The following ZNF236 variants were observed in gnomAD, a reference collection of about 807,000 sequenced individuals.
The protein encoded by ZNF236 is zinc finger protein 236.
A neutral mutation model predicts 191.2 loss-of-function variants in ZNF236; 50 were observed. The observed-to-expected ratio is 0.26, with a 90% CI of 0.21 to 0.33. The LOEUF (loss-of-function observed/expected upper bound fraction) is 0.33. Among genes scored for constraint, ZNF236 ranks in the 10% least tolerant of loss-of-function variants. The probability of loss-of-function intolerance (pLI) is 1.00; values close to 1 mark genes in which losing one functional copy is unlikely to be tolerated. For synonymous variants in ZNF236, 907 were observed against 928.8 expected, an observed-to-expected ratio of 0.98 and a Z score of 0.43; for missense variants, 1,754 against 2,374.5, an observed-to-expected ratio of 0.74 and a Z score of 5.43.
chr18:76,967,840 G>A lies in ZNF236; in HGVS notation c.5420-375G>A, dbSNP rs570368005. Among the ~76,000 whole-genome samples the A allele has an allele frequency of 2.6e-4, 40 of 152,256 alleles. 1 individual carries two copies. The highest frequency in any genetic ancestry group is 9.4e-4 in the African/African-American group (39 of 41,540). On this transcript the variant is annotated intron_variant, in intron 30 of 30. Transcript: ENST00000320610. ...AGGGCAGAACACTATATTGTGGGGA[G>A]TTTTTGAGGAAGGAAAAAGGGGTAA...
At chr18:76,924,231 C>T (rs950350611) in intron 21 of ZNF236, among the ~76,000 whole-genome samples, 1 of 152,176 alleles carries the variant, frequency 6.6e-6, no homozygotes, top group African/African-American at 2.4e-5. Flanking sequence ...CATCACTTAT[C>T]TTTGTGCCCC....
chr18:76,849,802 T>A lies in ZNF236; in HGVS notation c.198+134T>A, dbSNP rs1599329068. 4.5e-6 allele frequency: 4 copies of A among 881,768 alleles called. No homozygotes were observed. The East Asian group carries it at 9.6e-5, about 21-fold the overall frequency. The allele number at this position is 881,768 out of a possible 1,614,324, so 54.6% of individuals were successfully genotyped here. On this transcript the variant is annotated intron_variant, in intron 2 of 30. Transcript: ENST00000320610. ...ACATTTTATATTCTACAAATAAATATTTTGGCCTTTTTAAAAGTTGTAGTT... is the reference window on the plus strand; with the variant it reads ...ACATTTTATATTCTACAAATAAATAATTTGGCCTTTTTAAAAGTTGTAGTT...
chr18:76,824,206 A>G, intron 1 of ZNF236: 1 of 690,432 alleles, frequency 1.4e-6, no homozygotes. Flanking sequence ...TTAGGAAGAA[A>G]GAGGTAATGG....
rs183352866 is a variant in ZNF236, at chr18:76,918,616, C to T, written c.3275-1160C>T. Among the ~76,000 whole-genome samples the T allele has an allele frequency of 3.5e-4, 54 of 152,242 alleles. 2 individuals carry two copies. The highest frequency in any genetic ancestry group is 3.3e-3 in the East Asian group (17 of 5,178). ...TTAAAAAAATTTTTTTTTGTAGAGA[C>T]GGGGTCTTGCTCTGTTGCCTAGGAG... On this transcript the variant is annotated intron_variant, in intron 19 of 30. Coordinates refer to ENST00000320610, the MANE Select transcript of ZNF236 (RefSeq NM_001306089.2).
chr18:76,936,681 G>C (rs958467255), intron 25 of ZNF236, among the ~76,000 whole-genome samples: 1 of 152,248 alleles, frequency 6.6e-6, no homozygotes, highest in Non-Finnish European at 1.5e-5. Context: ...TCAGGAGCTA[G>C]TTATTCCTCA....
Position 76,871,702 on chromosome 18 carries a change from G to A in ZNF236, c.544G>A (p.Val182Ile). The change falls in exon 5 of 31, where the codon GTA (valine) becomes ATA (isoleucine). Residue 182 changes from valine (V) to isoleucine (I), a missense_variant and splice_region_variant. Transcript: ENST00000320610. ...EHMKTHYKIR[V>I]SSTRSYNRNI... Reference sequence around the variant, plus strand: ...TTTTGCCCCCCTTTATTACACTAGGGTATCAAGTACAAGGTCTTATAACCG... The same window carrying A: ...TTTTGCCCCCCTTTATTACACTAGGATATCAAGTACAAGGTCTTATAACCG... 1 of 1,614,074 alleles carries A rather than the reference G, an allele frequency of 6.2e-7. No homozygotes were observed. The highest frequency in any genetic ancestry group is 2.2e-5 in the East Asian group (1 of 44,884).
intron 25 of ZNF236, among the ~76,000 whole-genome samples, chr18:76,933,206 C>A (rs1437049373): frequency 6.6e-6 from 1 of 152,198 alleles, no homozygotes. Flanking sequence ...TGGTGGGTCA[C>A]GCCTGTAATC....
At chr18:76,929,877 A>G (rs1333296395) in intron 25 of ZNF236, among the ~76,000 whole-genome samples, 1 of 152,238 alleles carries the variant, frequency 6.6e-6, no homozygotes. Flanking sequence ...CCATTAACAC[A>G]TAGGATTATA....
chr18:76,957,358 G>T (rs1240960291), intron 28 of ZNF236, among the ~76,000 whole-genome samples: 1 of 152,160 alleles, frequency 6.6e-6, no homozygotes, highest in East Asian at 1.9e-4. Context: ...AGCAGTGACG[G>T]CCCTGTCCGG....
chr18:76,894,535 A>G (rs974430426), intron 9 of ZNF236, among the ~76,000 whole-genome samples: 1 of 152,238 alleles, frequency 6.6e-6, no homozygotes, highest in African/African-American at 2.4e-5. Flanking sequence ...ATGAATTGAT[A>G]TATACTATTT....
intron 3 of ZNF236, among the ~76,000 whole-genome samples, chr18:76,862,500 C>T (rs1976271006): frequency 6.6e-6 from 1 of 152,092 alleles, no homozygotes; most frequent in Non-Finnish European, 1.5e-5. Flanking sequence ...ATTCTCCTGG[C>T]AGAGGGAGGA....
intron 3 of ZNF236, among the ~76,000 whole-genome samples, chr18:76,852,793 AAAAC>A (rs1445732823): frequency 6.6e-6 from 1 of 152,238 alleles, no homozygotes; most frequent in Admixed American, 6.5e-5. Flanking sequence ...CGGAGACAGA[AAAAC>A]ACAGTATTGA....
In ZNF236 at chr18:76,959,781, C is replaced by T. The variant is rs373649227; in HGVS notation, c.5207C>T (p.Pro1736Leu). ...ACTTGTGAGAAGGCATTTGCCAAAC[C>T]AAGCCAGCTGGAGCGCCACAGCCGC... Reference protein sequence around the residue: ...CDTCEKAFAKPSQLERHSRIH... With the variant: ...CDTCEKAFAKLSQLERHSRIH... Residue 1736 changes from proline (P) to leucine (L), a missense_variant, in exon 29 of 31, where the codon CCA (proline) becomes CTA (leucine). Transcript: ENST00000320610. The T allele has an allele frequency of 3.5e-5, 56 of 1,613,968 alleles. No homozygotes were observed. The highest frequency in any genetic ancestry group is 4.3e-5 in the Non-Finnish European group (51 of 1,180,002).
At position 76,969,996 on chromosome 18, in the gene ZNF236, C is replaced by G. The variant is rs936794894; in HGVS notation, c.*1657C>G. 6.6e-6 allele frequency: 1 copy of G among 152,596 alleles called. No homozygotes were observed. The highest frequency in any genetic ancestry group is 1.5e-5 in the Non-Finnish European group (1 of 68,036). 9.5% of individuals were successfully genotyped at this position (152,596 alleles called of 1,614,324 possible). A position where few individuals can be genotyped will look rare whatever the true frequency, so the allele number is the denominator to read the frequency against. ...TATGCTTGTGATACTGGACTTCTTA[C>G]CAATCCGGAGGTTTCCTTCCTTGAA... On this transcript the variant is annotated 3_prime_UTR_variant, in exon 31 of 31. Transcript: ENST00000320610.
intron 30 of ZNF236, among the ~76,000 whole-genome samples, 189 bp from the exon 31 acceptor site, chr18:76,968,026 A>G (rs1473957012): frequency 6.6e-6 from 1 of 152,212 alleles, no homozygotes; most frequent in Admixed American, 6.5e-5. Flanking sequence ...TACTCCTAAC[A>G]GTAACTACTG....
intron 1 of ZNF236, among the ~76,000 whole-genome samples, chr18:76,829,435 C>CT (rs1975106311): frequency 1.3e-5 from 2 of 151,820 alleles, no homozygotes; most frequent in South Asian, 4.2e-4. Flanking sequence ...TCAAGCCATC[C>CT]TCTCACTTCG....
chr18:76,878,971 T>A (rs1356815618), intron 7 of ZNF236, among the ~76,000 whole-genome samples: 3 of 152,204 alleles, frequency 2.0e-5, no homozygotes, highest in Non-Finnish European at 4.4e-5. Context: ...TGTGGGATGG[T>A]TCCTCAATAT....
In ZNF236 at chr18:76,899,134, G is replaced by A. The variant is rs1333711225; in HGVS notation, c.1806G>A (p.Gln602=). 1 of 1,614,160 alleles carries A rather than the reference G, an allele frequency of 6.2e-7. No homozygotes were observed. Among genetic ancestry groups the A allele is most frequent in the Non-Finnish European group, 8.5e-7 (1 of 1,180,014 alleles). The change falls in exon 11 of 31, where the codon CAG becomes CAA. Residue 602 remains glutamine (Q), a synonymous_variant. Coordinates refer to ENST00000320610, the MANE Select transcript of ZNF236 (RefSeq NM_001306089.2). ...CGGAATTAAGGAAAATGAGGCACCAGCGTAAACCTGCAAAGGTCCGTGTTG... is the reference window on the plus strand; with the variant it reads ...CGGAATTAAGGAAAATGAGGCACCAACGTAAACCTGCAAAGGTCCGTGTTG... ...KHTELRKMRH[Q]RKPAKVRVGK...
chr18:76,858,198 T>C (rs1416261003), intron 3 of ZNF236, among the ~76,000 whole-genome samples: 4 of 152,224 alleles, frequency 2.6e-5, no homozygotes, highest in Non-Finnish European at 5.9e-5. Context: ...ATCACCCTTA[T>C]ATCATTTATT....
Sources: gnomAD v4.1 joint callset for allele counts (sites outside exome capture counted in the v4.1 genomes callset) on GRCh38, gnomAD v4.1.1 for gene constraint, MANE v1.5 for transcripts, NCBI Gene and HGNC (gene_info 2026-07-23, HGNC 2026-07-21) for gene names.